Variants in MYO1D observed in about 807,000 individuals in gnomAD.
The protein encoded by MYO1D is unconventional myosin-Id.
Under a neutral mutation model 122.0 loss-of-function variants are expected in MYO1D, and 83 were observed. That is an observed-to-expected ratio of 0.68 (90% CI 0.57 to 0.82). The LOEUF is 0.82. Among genes scored for constraint, MYO1D ranks in the 40% least tolerant of loss-of-function variants. The pLI is 0.00. For synonymous variants in MYO1D, 464 were observed against 446.9 expected (o/e 1.04, Z -0.48); for missense variants, 1,157 against 1,269.5 (o/e 0.91, Z 1.35).
At chr17:32,632,618 CACACACACATAT>C (rs768812906) in intron 20 of MYO1D, 1 of 146,518 alleles carries the variant, frequency 6.8e-6, no homozygotes, top group Non-Finnish European at 1.5e-5. Flanking sequence ...CACACACACA[CACACACACATAT>C]ATATATATAT....
At chr17:32,836,026 G>C (rs1200204776) in intron 1 of MYO1D, among the ~76,000 whole-genome samples, 2 of 152,090 alleles carry the variant, frequency 1.3e-5, no homozygotes, top group Non-Finnish European at 2.9e-5. Context: ...AAAATAGGAA[G>C]AAAAACAAAT....
chr17:32,818,744 A>C (rs976202609), intron 1 of MYO1D, among the ~76,000 whole-genome samples: 1 of 152,190 alleles, frequency 6.6e-6, no homozygotes, highest in African/African-American at 2.4e-5. Context: ...TCTGTAAGGA[A>C]GGGTATTATA....
chr17:32,678,796 A>G (rs1195530698), intron 16 of MYO1D, among the ~76,000 whole-genome samples: 6 of 150,598 alleles, frequency 4.0e-5, no homozygotes, highest in Non-Finnish European at 8.8e-5. Flanking sequence ...GCTGGGTCAA[A>G]TGGTATTTCT....
At chr17:32,730,968 A>C (rs923938194) in intron 14 of MYO1D, among the ~76,000 whole-genome samples, 1 of 143,700 alleles carries the variant, frequency 7.0e-6, no homozygotes, top group Non-Finnish European at 1.5e-5. Flanking sequence ...GTGCAGTGGC[A>C]CAATTTTGGC....
chr17:32,561,354 C>CT (rs71144841), intron 21 of MYO1D, among the ~76,000 whole-genome samples: 40,513 of 150,554 alleles, frequency 0.27, 6,220 homozygotes, highest in African/African-American at 0.42. Flanking sequence ...CAACTCTCTC[C>CT]TTTTTTTTTA....
chr17:32,702,499 C>T (rs2089260322), intron 16 of MYO1D, among the ~76,000 whole-genome samples: 1 of 151,672 alleles, frequency 6.6e-6, no homozygotes, highest in Non-Finnish European at 1.5e-5. Flanking sequence ...CTGTTCTTGG[C>T]TTTATCTTTT....
At chr17:32,643,523 G>A (rs114179497) in intron 19 of MYO1D, among the ~76,000 whole-genome samples, 67,180 of 151,922 alleles carry the variant, frequency 0.44, 15,107 homozygotes, top group East Asian at 0.53. Context: ...TCTACCTCTG[G>A]TAGCATTCAG....
At chr17:32,666,436 G>A (rs534232435) in intron 16 of MYO1D, among the ~76,000 whole-genome samples, 2 of 151,976 alleles carry the variant, frequency 1.3e-5, no homozygotes, top group African/African-American at 4.8e-5. Context: ...TGCTCTTTTC[G>A]AGATGTTAAG....
At chr17:32,857,907 C>T (rs995636951) in intron 1 of MYO1D, among the ~76,000 whole-genome samples, 17 of 152,140 alleles carry the variant, frequency 1.1e-4, no homozygotes. Context: ...CATTTATCTC[C>T]AATTATATCA....
chr17:32,696,522 G>C (rs899013815), intron 16 of MYO1D, among the ~76,000 whole-genome samples: 2 of 152,216 alleles, frequency 1.3e-5, no homozygotes, highest in Non-Finnish European at 2.9e-5. Context: ...GGAGTTTGTT[G>C]ATCCAGGTGC....
chr17:32,749,769 T>C (rs2089879458), intron 11 of MYO1D, among the ~76,000 whole-genome samples: 1 of 152,112 alleles, frequency 6.6e-6, no homozygotes, highest in African/African-American at 2.4e-5. Flanking sequence ...ACTATCTTCA[T>C]GCAGTCCAGC....
chr17:32,740,390 G>A (rs889032207), intron 13 of MYO1D, among the ~76,000 whole-genome samples: 1 of 152,158 alleles, frequency 6.6e-6, no homozygotes, highest in Non-Finnish European at 1.5e-5. Context: ...AAGATAATAC[G>A]TTAAATAGCA....
chr17:32,679,409 T>C (rs1199665375), intron 16 of MYO1D, among the ~76,000 whole-genome samples: 1 of 152,132 alleles, frequency 6.6e-6, no homozygotes, highest in African/African-American at 2.4e-5. Flanking sequence ...CGTTTAAATC[T>C]TTAATCCATC....
intron 21 of MYO1D, among the ~76,000 whole-genome samples, chr17:32,533,074 C>G (rs1353502399): frequency 6.6e-6 from 1 of 152,184 alleles, no homozygotes; most frequent in Non-Finnish European, 1.5e-5. Flanking sequence ...TTTACCATTC[C>G]TTTTGTCTCC....
chr17:32,612,701 A>G (rs1440466760), intron 20 of MYO1D, among the ~76,000 whole-genome samples: 1 of 151,254 alleles, frequency 6.6e-6, no homozygotes, highest in Non-Finnish European at 1.5e-5. Context: ...AAAAACAAAA[A>G]AAAAAAAAAA....
chr17:32,620,723 G>C (rs1276159356), intron 20 of MYO1D, among the ~76,000 whole-genome samples: 3 of 152,122 alleles, frequency 2.0e-5, no homozygotes, highest in Non-Finnish European at 2.9e-5. Context: ...AGAACTTGAA[G>C]GCCCAACTTC....
chr17:32,794,876 T>A (rs1453748320), intron 1 of MYO1D, among the ~76,000 whole-genome samples: 1 of 152,102 alleles, frequency 6.6e-6, no homozygotes, highest in East Asian at 1.9e-4. Context: ...GTGTAAGGAA[T>A]TGAGTGCCTG....
chr17:32,852,390 GTGC>G (rs2090996855), intron 1 of MYO1D, among the ~76,000 whole-genome samples: 1 of 152,150 alleles, frequency 6.6e-6, no homozygotes, highest in African/African-American at 2.4e-5. Context: ...GCCTCCCAAA[GTGC>G]TGGGATTACA....
intron 21 of MYO1D, among the ~76,000 whole-genome samples, chr17:32,555,510 C>G (rs114677954): frequency 0.01 from 1,587 of 152,038 alleles, 29 homozygotes; most frequent in African/African-American, 0.036. Flanking sequence ...ACTTTGTTGT[C>G]AGAAAAAATA....
Sources: allele counts gnomAD v4.1 joint callset (sites outside exome capture counted in the v4.1 genomes callset), GRCh38; gene constraint gnomAD v4.1.1; transcripts MANE v1.5; gene names NCBI Gene and HGNC (gene_info 2026-07-23, HGNC 2026-07-21).